Variants in RND2 observed in about 807,000 individuals in gnomAD.
The protein encoded by RND2 is rho-related GTP-binding protein RhoN.
Under a neutral mutation model 25.9 loss-of-function variants are expected in RND2, and 16 were observed. The observed-to-expected ratio is 0.62, with a 90% CI of 0.42 to 0.94. RND2 has a LOEUF of 0.94. RND2 is among the 40% of genes least tolerant of loss of function. The probability of loss-of-function intolerance (pLI) is 0.00; values close to 1 mark genes in which losing one functional copy is unlikely to be tolerated. For missense variants in RND2, 276 were observed against 305.5 expected (o/e 0.90, Z 0.72); for synonymous variants, 97 against 118.1 (o/e 0.82, Z 1.16).
In RND2 at chr17:43,025,359, G is replaced by C. The variant is rs1229943987; in HGVS notation, c.12G>C (p.Gln4His). ...GCGTAGCCGGGACCATGGAGGGGCAGAGCGGCCGCTGCAAGATCGTGGTGG... is the reference window on the plus strand; with the variant it reads ...GCGTAGCCGGGACCATGGAGGGGCACAGCGGCCGCTGCAAGATCGTGGTGG... Reference protein sequence around the residue: MEGQSGRCKIVVVG... With the variant: MEGHSGRCKIVVVG... The change falls in exon 1 of 5, where the codon CAG (glutamine) becomes CAC (histidine). Residue 4 changes from glutamine (Q) to histidine (H), a missense_variant. By Grantham distance (24) the Gln-to-His change is conservative (BLOSUM62 0). Coordinates refer to ENST00000587250, the MANE Select transcript of RND2 (RefSeq NM_005440.5). 3.9e-6 allele frequency: 6 copies of C among 1,549,688 alleles called. No individual in the cohort carries two copies. Among genetic ancestry groups the C allele is most frequent in the Non-Finnish European group, 5.2e-6 (6 of 1,147,352 alleles).
chr17:43,026,593 G>A (rs190748104), intron 2 of RND2, among the ~76,000 whole-genome samples: 422 of 152,312 alleles, frequency 2.8e-3, no homozygotes, highest in Middle Eastern at 0.014. Flanking sequence ...AGGCTGCAGT[G>A]AGCCGAGATC....
At position 43,028,108 on chromosome 17, in the gene RND2, G is replaced by A. The variant is rs1047308279; in HGVS notation, c.348G>A (p.Leu116=). The change falls in exon 4 of 5, where the codon CTG becomes CTA. Residue 116 remains leucine, a synonymous_variant. Transcript: ENST00000587250. ...QEFCPNAKVV[L]VGCKLDMRTD... Reference sequence around the variant, plus strand: ...TCTGCCCCAATGCCAAGGTTGTGCTGGTTGGCTGTAAACTGGACATGCGGA... The same window carrying A: ...TCTGCCCCAATGCCAAGGTTGTGCTAGTTGGCTGTAAACTGGACATGCGGA... 7 of 1,614,034 alleles carry A rather than the reference G, an allele frequency of 4.3e-6. No homozygotes were observed. Among genetic ancestry groups the A allele is most frequent in the African/African-American group, 4.0e-5 (3 of 74,916 alleles).
At position 43,030,700 on chromosome 17, in the gene RND2, G is replaced by A. The variant is rs2050666023; in HGVS notation, c.*2020G>A. 6.6e-6 allele frequency: 1 copy of A among 152,282 alleles called. No individual in the cohort carries two copies. Among genetic ancestry groups the A allele is most frequent in the African/African-American group, 2.4e-5 (1 of 41,434 alleles). The allele number at this position is 152,282 out of a possible 1,614,324, so 9.4% of individuals were successfully genotyped here. On this transcript the variant is annotated 3_prime_UTR_variant, in exon 5 of 5. Coordinates refer to ENST00000587250, the MANE Select transcript of RND2 (RefSeq NM_005440.5). ...ACAGCATGTGTAAACACGTGGAGAT[G>A]AGAATGAGCATAGCACTGTTGGGGC...
chr17:43,028,654 C>A lies in RND2; in HGVS notation c.658C>A (p.Arg220=). The A allele has an allele frequency of 6.3e-7, 1 of 1,590,198 alleles. No homozygotes were observed. Among genetic ancestry groups the A allele is most frequent in the Non-Finnish European group, 8.6e-7 (1 of 1,167,994 alleles). Residue 220 remains arginine, a synonymous_variant, in exon 5 of 5, where the codon CGA becomes AGA. Transcript: ENST00000587250. ...RGNEGEIHKD[R]AKSCNLM ...GAATGAGGGCGAGATACACAAGGATCGAGCCAAAAGCTGCAACCTCATGTG... is the reference window on the plus strand; with the variant it reads ...GAATGAGGGCGAGATACACAAGGATAGAGCCAAAAGCTGCAACCTCATGTG...
chr17:43,025,573 C>T lies in RND2; in HGVS notation c.102+124C>T, dbSNP rs1597787749. The stretch of plus-strand genomic sequence containing the variant: ...GGACAAGAGACAGGGGGTCGGAGGA[C>T]GCGGGGAGGCCTTGAGGGCTCAGGA... On this transcript the variant is annotated intron_variant, in intron 1 of 4. Coordinates refer to ENST00000587250, the MANE Select transcript of RND2 (RefSeq NM_005440.5). 1.2e-5 allele frequency: 16 copies of T among 1,319,560 alleles called. No homozygotes were observed. In the East Asian group the frequency reaches 4.4e-4, roughly 36 times the overall value. The allele number at this position is 1,319,560 out of a possible 1,614,324, so 81.7% of individuals were successfully genotyped here.
At position 43,027,146 on chromosome 17, in the gene RND2, C is replaced by T. The variant is rs904585254; in HGVS notation, c.191-37C>T. 8 of 1,373,350 alleles carry T rather than the reference C, an allele frequency of 5.8e-6. No individual in the cohort carries two copies. The Admixed American group carries it at 5.9e-5, about 10-fold the overall frequency. The allele number at this position is 1,373,350 out of a possible 1,614,324, so 85.1% of individuals were successfully genotyped here. On this transcript the variant is annotated intron_variant, in intron 2 of 4. Transcript: ENST00000587250. Reference sequence around the variant, plus strand: ...GTCTCCCATTCCCTTCCAGGCCTCCCATCCACTCAGGCCCCTCATGCCCTG... The same window carrying T: ...GTCTCCCATTCCCTTCCAGGCCTCCTATCCACTCAGGCCCCTCATGCCCTG...
chr17:43,028,739 C>T lies in RND2; in HGVS notation c.*59C>T, dbSNP rs964082268. ...GGTGAGGGACACAATTGTTCCCCTG[C>T]CTGCGCCCAGGCTTCCTGACCTCCT... On this transcript the variant is annotated 3_prime_UTR_variant, in exon 5 of 5. Transcript: ENST00000587250. 6.7e-7 allele frequency: 1 copy of T among 1,498,448 alleles called. No individual in the cohort carries two copies. Among genetic ancestry groups the T allele is most frequent in the Admixed American group, 2.0e-5 (1 of 49,508 alleles). 92.8% of individuals were successfully genotyped at this position (1,498,448 alleles called of 1,614,324 possible).
Position 43,025,559 on chromosome 17 carries a change from AGGGGGTCGGAGGACGC to A in RND2, c.102+115_102+130del, listed in dbSNP as rs2050614073. On this transcript the variant is annotated intron_variant, in intron 1 of 4. Transcript: ENST00000587250. ...ACTCGGGTAACCAGGGACAAGAGAC[AGGGGGTCGGAGGACGC>A]GGGGAGGCCTTGAGGGCTCAGGAAG... is the stretch of plus-strand genomic sequence containing the variant. The A allele has an allele frequency of 2.2e-5, 29 of 1,334,326 alleles. No homozygotes were observed. The South Asian group carries it at 3.8e-4, about 17-fold the overall frequency. 82.7% of individuals were successfully genotyped at this position (1,334,326 alleles called of 1,614,324 possible). A position where few individuals can be genotyped will look rare whatever the true frequency, so the allele number is the denominator to read the frequency against.
In RND2 at chr17:43,027,305, G is replaced by A. The variant is rs1232974757; in HGVS notation, c.300+13G>A. 1 of 1,579,964 alleles carries A rather than the reference G, an allele frequency of 6.3e-7. No homozygotes were observed. Among genetic ancestry groups the A allele is most frequent in the Non-Finnish European group, 8.7e-7 (1 of 1,154,018 alleles). On this transcript the variant is annotated intron_variant, in intron 3 of 4. Coordinates refer to ENST00000587250, the MANE Select transcript of RND2 (RefSeq NM_005440.5). The stretch of plus-strand genomic sequence containing the variant: ...TGTTCTCAAGAAGGTGGGAGCCTGG[G>A]GAAATAGGGCAGCTAGACTGAGGGG...
intron 2 of RND2, 131 bp from the exon 3 acceptor site, chr17:43,027,039 CATGATGGGTATTA>C (rs758975227): frequency 1.8e-4 from 88 of 497,762 alleles, no homozygotes; most frequent in Middle Eastern, 1.2e-3. Flanking sequence ...ACCCAGACTC[CATGATGGGTATTA>C]ATGATGGGTA....
Position 43,027,288 on chromosome 17 carries a change from A to G in RND2, c.296A>G (p.Lys99Arg), listed in dbSNP as rs749210916. The G allele has an allele frequency of 1.2e-6, 2 of 1,605,996 alleles. No homozygotes were observed. Among genetic ancestry groups the G allele is most frequent in the South Asian group, 1.1e-5 (1 of 90,244 alleles). ...SRPETLDSVL[K>R]KWQGETQEFC... ...CCAGAAACACTGGACAGTGTTCTCAAGAAGGTGGGAGCCTGGGGAAATAGG... is the reference window on the plus strand; with the variant it reads ...CCAGAAACACTGGACAGTGTTCTCAGGAAGGTGGGAGCCTGGGGAAATAGG... The change falls in exon 3 of 5, where the codon AAG becomes AGG. Residue 99 changes from lysine to arginine, a missense_variant. Lys to Arg is a conservative substitution (Grantham distance 26). Coordinates refer to ENST00000587250, the MANE Select transcript of RND2 (RefSeq NM_005440.5).
At position 43,028,750 on chromosome 17, in the gene RND2, G is replaced by C. The variant is rs2050646797; in HGVS notation, c.*70G>C. The C allele has an allele frequency of 6.7e-7, 1 of 1,490,710 alleles. No individual in the cohort carries two copies. The highest frequency in any genetic ancestry group is 1.3e-5 in the South Asian group (1 of 76,948). The allele number at this position is 1,490,710 out of a possible 1,614,324, so 92.3% of individuals were successfully genotyped here. A position where few individuals can be genotyped will look rare whatever the true frequency, so the allele number is the denominator to read the frequency against. ...CAATTGTTCCCCTGCCTGCGCCCAG[G>C]CTTCCTGACCTCCTGATCCTGGCTG... On this transcript the variant is annotated 3_prime_UTR_variant, in exon 5 of 5. Coordinates refer to ENST00000587250, the MANE Select transcript of RND2 (RefSeq NM_005440.5).
chr17:43,027,261 G>A lies in RND2; in HGVS notation c.269G>A (p.Arg90Gln), dbSNP rs61756315. Residue 90 changes from arginine to glutamine, a missense_variant, in exon 3 of 5, where the codon CGA becomes CAA. Coordinates refer to ENST00000587250, the MANE Select transcript of RND2 (RefSeq NM_005440.5). ...GTGCTCATCTGCTTCGACATTAGCCGACCAGAAACACTGGACAGTGTTCTC... is the reference window on the plus strand; with the variant it reads ...GTGCTCATCTGCTTCGACATTAGCCAACCAGAAACACTGGACAGTGTTCTC... Reference protein sequence around the residue: ...DAVLICFDISRPETLDSVLKK... With the variant: ...DAVLICFDISQPETLDSVLKK... The A allele has an allele frequency of 7.9e-5, 127 of 1,612,388 alleles. No individual in the cohort carries two copies. Among genetic ancestry groups the A allele is most frequent in the Non-Finnish European group, 1.0e-4 (118 of 1,179,078 alleles).
Position 43,030,616 on chromosome 17 carries a change from G to A in RND2, c.*1936G>A, listed in dbSNP as rs1346799619. Reference sequence around the variant, plus strand: ...CCAGTCCTGTGAGCCAGGTCCTGAGGGTTGAAGAGGAGTTTTCCGGGCAGG... The same window carrying A: ...CCAGTCCTGTGAGCCAGGTCCTGAGAGTTGAAGAGGAGTTTTCCGGGCAGG... On this transcript the variant is annotated 3_prime_UTR_variant, in exon 5 of 5. Transcript: ENST00000587250. The A allele has an allele frequency of 6.6e-6, 1 of 152,402 alleles. No homozygotes were observed. Among genetic ancestry groups the A allele is most frequent in the Non-Finnish European group, 1.5e-5 (1 of 68,268 alleles). The allele number at this position is 152,402 out of a possible 1,614,324, so 9.4% of individuals were successfully genotyped here. A position where few individuals can be genotyped will look rare whatever the true frequency, so the allele number is the denominator to read the frequency against.
chr17:43,027,358 C>T, intron 3 of RND2, 66 bp downstream of exon 3: 1 of 1,113,244 alleles, frequency 9.0e-7, no homozygotes, highest in Non-Finnish European at 1.3e-6. Flanking sequence ...CCTGACATAA[C>T]ATGGGCCAGG....
intron 2 of RND2, 185 bp downstream of exon 2, chr17:43,026,232 A>C: frequency 1.8e-6 from 1 of 546,794 alleles, no homozygotes. Flanking sequence ...GACAGAAACC[A>C]TGTCCTGAAG....
intron 4 of RND2, 92 bp downstream of exon 4, chr17:43,028,287 C>T: frequency 1.3e-6 from 2 of 1,593,820 alleles, no homozygotes; most frequent in South Asian, 1.1e-5. Flanking sequence ...CCTGGCTCAT[C>T]CTTTGTTCTG....
At chr17:43,025,568 G>A in intron 1 of RND2, 119 bp downstream of exon 1, 1 of 1,394,452 alleles carries the variant, frequency 7.2e-7, no homozygotes. Flanking sequence ...CAGGGGGTCG[G>A]AGGACGCGGG....
Position 43,025,324 on chromosome 17 carries a change from G to C in RND2, c.-24G>C, listed in dbSNP as rs1428408229. The C allele has an allele frequency of 1.3e-6, 2 of 1,518,550 alleles. No homozygotes were observed. Among genetic ancestry groups the C allele is most frequent in the Admixed American group, 2.0e-5 (1 of 49,274 alleles). 94.1% of individuals were successfully genotyped at this position (1,518,550 alleles called of 1,614,324 possible). Reference sequence around the variant, plus strand: ...CGGGGCCCGGGAGAGGGGTGGCGTGGGGGACCGGCGCGTAGCCGGGACCAT... The same window carrying C: ...CGGGGCCCGGGAGAGGGGTGGCGTGCGGGACCGGCGCGTAGCCGGGACCAT... On this transcript the variant is annotated 5_prime_UTR_variant, in exon 1 of 5. Coordinates refer to ENST00000587250, the MANE Select transcript of RND2 (RefSeq NM_005440.5).
Sources: allele counts gnomAD v4.1 joint callset (sites outside exome capture counted in the v4.1 genomes callset), GRCh38; gene constraint gnomAD v4.1.1; transcripts MANE v1.5; gene names NCBI Gene and HGNC (gene_info 2026-07-23, HGNC 2026-07-21).